PPM1E: variants seen among roughly 807,000 people sequenced by gnomAD.
PPM1E encodes protein phosphatase 1E.
A neutral mutation model predicts 65.9 loss-of-function variants in PPM1E; 20 were observed. The ratio of observed to expected loss-of-function variants is 0.30; its 90% CI spans 0.21 to 0.44. The LOEUF is 0.44. PPM1E is among the 20% of genes least tolerant of loss of function. The pLI is 1.00. For synonymous variants in PPM1E, 352 were observed against 374.9 expected (o/e 0.94, Z 0.70); for missense variants, 713 against 953.1 (o/e 0.75, Z 3.32).
At chr17:58,864,231 A>G (rs1046546845) in intron 1 of PPM1E, among the ~76,000 whole-genome samples, 1 of 152,118 alleles carries the variant, frequency 6.6e-6, no homozygotes, top group Admixed American at 6.5e-5. Flanking sequence ...CTGTATAAAT[A>G]TTAGCAGTTA....
At chr17:58,922,066 A>AAAAAAAAAAG (rs1567875703) in intron 1 of PPM1E, among the ~76,000 whole-genome samples, 1 of 150,992 alleles carries the variant, frequency 6.6e-6, no homozygotes, top group African/African-American at 2.4e-5. Context: ...GAAAAAAAAA[A>AAAAAAAAAAG]AGTGTATGGG....
chr17:58,899,243 G>A (rs2051465732), intron 1 of PPM1E: 1 of 152,058 alleles, frequency 6.6e-6, no homozygotes, highest in African/African-American at 2.4e-5. Context: ...GCTGAGGTGG[G>A]AGGATTACTT....
chr17:58,901,015 C>G (rs1302256935), intron 1 of PPM1E, among the ~76,000 whole-genome samples: 1 of 152,124 alleles, frequency 6.6e-6, no homozygotes, highest in Non-Finnish European at 1.5e-5. Flanking sequence ...GATTAAGTGA[C>G]CCACCCAAAT....
At chr17:58,795,068 C>G (rs554647669) in intron 1 of PPM1E, among the ~76,000 whole-genome samples, 1 of 151,728 alleles carries the variant, frequency 6.6e-6, no homozygotes, top group Admixed American at 6.6e-5. Context: ...TTCTTTGTAT[C>G]TACAGTAGAG....
chr17:58,925,255 TTAA>T (rs2051809390), intron 1 of PPM1E, among the ~76,000 whole-genome samples: 1 of 152,138 alleles, frequency 6.6e-6, no homozygotes, highest in Non-Finnish European at 1.5e-5. Context: ...TCTTGACTTT[TTAA>T]TAATTGCCAT....
chr17:58,922,923 T>C (rs761232488), intron 1 of PPM1E, among the ~76,000 whole-genome samples: 4 of 152,160 alleles, frequency 2.6e-5, no homozygotes, highest in African/African-American at 7.2e-5. Context: ...GACCTAGTGA[T>C]TGAAGTACTT....
chr17:58,818,804 T>A (rs777350599), intron 1 of PPM1E, among the ~76,000 whole-genome samples: 2 of 152,136 alleles, frequency 1.3e-5, no homozygotes, highest in Non-Finnish European at 2.9e-5. Context: ...AGGGCAAGAG[T>A]CTGTGATAGT....
chr17:58,766,205 T>G (rs952530270), intron 1 of PPM1E, among the ~76,000 whole-genome samples: 6 of 130,678 alleles, frequency 4.6e-5, no homozygotes, highest in African/African-American at 8.7e-5. Context: ...TGTTTTTTTT[T>G]TTTTTTTTTT....
At chr17:58,794,691 G>A (rs773169821) in intron 1 of PPM1E, among the ~76,000 whole-genome samples, 10 of 152,134 alleles carry the variant, frequency 6.6e-5, no homozygotes, top group Non-Finnish European at 1.0e-4. Flanking sequence ...GTGTAAGTTC[G>A]CTTAGGATAA....
At chr17:58,795,987 TTA>T (rs1420972827) in intron 1 of PPM1E, among the ~76,000 whole-genome samples, 1 of 152,222 alleles carries the variant, frequency 6.6e-6, no homozygotes, top group African/African-American at 2.4e-5. Context: ...GTTTGTCTGT[TTA>T]CTCTGTTGAC....
At chr17:58,911,510 A>G (rs2051627057) in intron 1 of PPM1E, among the ~76,000 whole-genome samples, 1 of 152,144 alleles carries the variant, frequency 6.6e-6, no homozygotes, top group Non-Finnish European at 1.5e-5. Flanking sequence ...CATGATTTCA[A>G]AGGGTCAGTT....
chr17:58,977,457 G>T (rs992173485), intron 6 of PPM1E, among the ~76,000 whole-genome samples: 1 of 147,486 alleles, frequency 6.8e-6, no homozygotes. Context: ...AAAAAAAAAA[G>T]AAATAATGAA....
chr17:58,769,653 G>A (rs1344754388), intron 1 of PPM1E, among the ~76,000 whole-genome samples: 2 of 152,032 alleles, frequency 1.3e-5, no homozygotes, highest in Non-Finnish European at 2.9e-5. Context: ...AAATATTTTT[G>A]TTTAGTTTGC....
At chr17:58,779,495 T>A (rs1433075377) in intron 1 of PPM1E, among the ~76,000 whole-genome samples, 1 of 152,166 alleles carries the variant, frequency 6.6e-6, no homozygotes, top group Non-Finnish European at 1.5e-5. Context: ...TTATCTGTTG[T>A]ATTTTATTCT....
intron 1 of PPM1E, among the ~76,000 whole-genome samples, chr17:58,794,578 G>A (rs572906878): frequency 2.6e-5 from 4 of 152,002 alleles, no homozygotes; most frequent in Non-Finnish European, 4.4e-5. Flanking sequence ...TTCATCTTCC[G>A]GTAGGCCCCA....
At chr17:58,976,325 A>G (rs1036554332) in intron 6 of PPM1E, among the ~76,000 whole-genome samples, 21 of 152,164 alleles carry the variant, frequency 1.4e-4, no homozygotes, top group Non-Finnish European at 2.4e-4. Flanking sequence ...GGAATTGAGA[A>G]AATTCAAGCC....
chr17:58,956,613 G>A (rs760977030), intron 2 of PPM1E, among the ~76,000 whole-genome samples: 2 of 151,892 alleles, frequency 1.3e-5, no homozygotes, highest in African/African-American at 2.4e-5. Context: ...TAATTGCATA[G>A]GTCATTGTAC....
intron 1 of PPM1E, among the ~76,000 whole-genome samples, chr17:58,853,727 A>C (rs1224013280): frequency 6.6e-6 from 1 of 152,058 alleles, no homozygotes; most frequent in Non-Finnish European, 1.5e-5. Flanking sequence ...ATTCCTCAGG[A>C]GACTGAGGCA....
At chr17:58,795,236 A>G (rs1284698820) in intron 1 of PPM1E, among the ~76,000 whole-genome samples, 2 of 152,154 alleles carry the variant, frequency 1.3e-5, no homozygotes, top group African/African-American at 4.8e-5. Context: ...TGGGGGGTAT[A>G]TACTCAATAA....
Sources: gnomAD v4.1 joint callset for allele counts (sites outside exome capture counted in the v4.1 genomes callset) on GRCh38, gnomAD v4.1.1 for gene constraint, MANE v1.5 for transcripts, NCBI Gene and HGNC (gene_info 2026-07-23, HGNC 2026-07-21) for gene names.